GLRB: variants seen among roughly 807,000 people sequenced by gnomAD.
The protein encoded by GLRB is glycine receptor beta.
In GLRB, 33 loss-of-function variants were observed where a neutral mutation model predicts 54.2. The observed-to-expected ratio is 0.61, with a 90% CI of 0.46 to 0.81. The LOEUF is 0.81. Among genes scored for constraint, GLRB ranks in the 40% least tolerant of loss-of-function variants. The probability of loss-of-function intolerance (pLI) is 0.00; values close to 1 mark genes in which losing one functional copy is unlikely to be tolerated. For synonymous variants in GLRB, 209 were observed against 208.2 expected, an observed-to-expected ratio of 1.00 and a Z score of -0.03; for missense variants, 572 against 584.6, an observed-to-expected ratio of 0.98 and a Z score of 0.22.
chr4:157,136,086 T>A (rs1250274649), intron 4 of GLRB, among the ~76,000 whole-genome samples: 1 of 152,170 alleles, frequency 6.6e-6, no homozygotes, highest in Non-Finnish European at 1.5e-5. Context: ...TTTTAAGATA[T>A]GTGTATACTT....
intron 2 of GLRB, among the ~76,000 whole-genome samples, chr4:157,099,933 G>C (rs111691723): frequency 6.6e-6 from 1 of 151,794 alleles, no homozygotes. Context: ...GCACCTTTTC[G>C]CCTGTAAACT....
At position 157,170,972 on chromosome 4, in the gene GLRB, A is replaced by G; in HGVS notation, c.*244A>G. ...GCTTAGTAACAAATGAAGGACAAGC[A>G]TACTACATAATATAATCCATACAAT... is the stretch of plus-strand genomic sequence containing the variant. On this transcript the variant is annotated 3_prime_UTR_variant, in exon 10 of 10. Transcript: ENST00000264428. 2.8e-6 allele frequency: 1 copy of G among 352,178 alleles called. No individual in the cohort carries two copies. Among genetic ancestry groups the G allele is most frequent in the East Asian group, 4.8e-5 (1 of 20,818 alleles). 21.8% of individuals were successfully genotyped at this position (352,178 alleles called of 1,614,324 possible). A position where few individuals can be genotyped will look rare whatever the true frequency, so the allele number is the denominator to read the frequency against.
intron 8 of GLRB, among the ~76,000 whole-genome samples, chr4:157,146,499 G>A (rs1305549339): frequency 6.6e-6 from 1 of 152,068 alleles, no homozygotes; most frequent in East Asian, 1.9e-4. Context: ...TTGGTCTAGT[G>A]AGTAGTAGTG....
intron 8 of GLRB, among the ~76,000 whole-genome samples, chr4:157,146,344 A>G (rs935592135): frequency 6.6e-6 from 1 of 152,080 alleles, no homozygotes; most frequent in Admixed American, 6.5e-5. Context: ...CATGAAATAC[A>G]AAGTCGCTAA....
intron 2 of GLRB, among the ~76,000 whole-genome samples, chr4:157,090,789 A>G (rs1280470419): frequency 6.6e-6 from 1 of 152,188 alleles, no homozygotes. Flanking sequence ...TACAACATCA[A>G]AAAAATCATA....
intron 2 of GLRB, among the ~76,000 whole-genome samples, chr4:157,089,563 A>G (rs775030281): frequency 3.9e-5 from 6 of 152,098 alleles, no homozygotes; most frequent in Non-Finnish European, 7.4e-5. Context: ...CCTGAAATTT[A>G]CTCACTCCTG....
chr4:157,079,130 G>A (rs1285453029), intron 2 of GLRB, among the ~76,000 whole-genome samples: 1 of 152,060 alleles, frequency 6.6e-6, no homozygotes, highest in Non-Finnish European at 1.5e-5. Context: ...GTAAAATAGA[G>A]CAATTGTACA....
intron 2 of GLRB, among the ~76,000 whole-genome samples, chr4:157,098,908 G>GA (rs981480223): frequency 2.6e-5 from 4 of 152,084 alleles, no homozygotes; most frequent in Admixed American, 1.3e-4. Flanking sequence ...GTGCCTGGCT[G>GA]AAAATCACTT....
At chr4:157,086,603 CT>C (rs1330688627) in intron 2 of GLRB, among the ~76,000 whole-genome samples, 1 of 152,154 alleles carries the variant, frequency 6.6e-6, no homozygotes, top group Admixed American at 6.5e-5. Flanking sequence ...AAATTACCTT[CT>C]ATTTGAGATG....
At position 157,138,921 on chromosome 4, in the gene GLRB, TA is replaced by T; in HGVS notation, c.725del (p.Asn242ThrfsTer21). On this transcript the variant is annotated frameshift_variant, in exon 7 of 10. Coordinates refer to ENST00000264428, the MANE Select transcript of GLRB (RefSeq NM_000824.5). LOFTEE classifies it high-confidence loss of function. ...DIKKEDIEYG[N>X]CTKYYKGTGY... ...TCAAAAAGGAAGATATTGAATATGG[TA>T]ACTGTACAAAATACTATAAAGGCAC... 2 of 1,471,480 alleles carry T rather than the reference TA, an allele frequency of 1.4e-6. No homozygotes were observed. Among genetic ancestry groups the T allele is most frequent in the Non-Finnish European group, 9.5e-7 (1 of 1,051,456 alleles). The allele number at this position is 1,471,480 out of a possible 1,614,324, so 91.2% of individuals were successfully genotyped here. A position where few individuals can be genotyped will look rare whatever the true frequency, so the allele number is the denominator to read the frequency against.
chr4:157,165,258 A>G (rs1374352157), intron 9 of GLRB, among the ~76,000 whole-genome samples: 2 of 152,076 alleles, frequency 1.3e-5, no homozygotes, highest in Non-Finnish European at 2.9e-5. Context: ...GAAAGAAGAT[A>G]TAAAAGTAGA....
intron 4 of GLRB, among the ~76,000 whole-genome samples, chr4:157,127,025 A>ATAGATTG (rs1553996365): frequency 6.6e-6 from 1 of 151,450 alleles, no homozygotes; most frequent in Non-Finnish European, 1.5e-5. Flanking sequence ...ATAGATTGCA[A>ATAGATTG]CTCCTTTTGG....
At chr4:157,097,885 A>G (rs1734872680) in intron 2 of GLRB, among the ~76,000 whole-genome samples, 1 of 152,032 alleles carries the variant, frequency 6.6e-6, no homozygotes, top group Admixed American at 6.6e-5. Flanking sequence ...GCCAGGCATC[A>G]TGGCAGGTGC....
chr4:157,120,643 G>A lies in GLRB; in HGVS notation c.210G>A (p.Arg70=), dbSNP rs1440659826. ...GGTTATTGGTCAGTTATGATCCCAG[G>A]ATAAGACCAAACTTCAAAGGTTTGT... The part of the protein sequence containing the change: ...LNRLLVSYDP[R]IRPNFKGIPV... Residue 70 remains arginine, a synonymous_variant, in exon 3 of 10, where the codon AGG becomes AGA. Coordinates refer to ENST00000264428, the MANE Select transcript of GLRB (RefSeq NM_000824.5). 1.3e-6 allele frequency: 2 copies of A among 1,571,022 alleles called. No individual in the cohort carries two copies. The highest frequency in any genetic ancestry group is 3.4e-5 in the Admixed American group (2 of 59,454).
chr4:157,162,993 G>A (rs977181871), intron 9 of GLRB, among the ~76,000 whole-genome samples: 2 of 152,178 alleles, frequency 1.3e-5, no homozygotes, highest in Non-Finnish European at 2.9e-5. Flanking sequence ...CCCAGTTTGA[G>A]CTTCTCAGCC....
intron 2 of GLRB, among the ~76,000 whole-genome samples, chr4:157,114,930 T>C (rs1006415522): frequency 1.7e-4 from 26 of 151,862 alleles, no homozygotes; most frequent in East Asian, 7.8e-4. Context: ...ATAAAGTTAC[T>C]CTTTCCGCAC....
At chr4:157,086,417 T>G (rs1473998704) in intron 2 of GLRB, among the ~76,000 whole-genome samples, 1 of 152,226 alleles carries the variant, frequency 6.6e-6, no homozygotes, top group Admixed American at 6.5e-5. Context: ...AAAGTATTAA[T>G]CTCATGGTGA....
In GLRB at chr4:157,171,097, G is replaced by A. The variant is rs962807631; in HGVS notation, c.*369G>A. The A allele has an allele frequency of 2.5e-5, 4 of 157,018 alleles. No individual in the cohort carries two copies. The highest frequency in any genetic ancestry group is 6.5e-5 in the Admixed American group (1 of 15,448). The allele number at this position is 157,018 out of a possible 1,614,324, so 9.7% of individuals were successfully genotyped here. The stretch of plus-strand genomic sequence containing the variant: ...TATGGTCACCATTCTAATGTATGTA[G>A]TATTTCAAATTTCCTTCCTTGTAAC... On this transcript the variant is annotated 3_prime_UTR_variant, in exon 10 of 10. Coordinates refer to ENST00000264428, the MANE Select transcript of GLRB (RefSeq NM_000824.5).
Position 157,125,762 on chromosome 4 carries a change from G to A in GLRB, c.297+3365G>A, listed in dbSNP as rs78692842. ...CAGCCTGGCCGACACTGTGAACCCC[G>A]TCTGTACTAAAAATACAAAATAAAT... On this transcript the variant is annotated intron_variant, in intron 4 of 9. Coordinates refer to ENST00000264428, the MANE Select transcript of GLRB (RefSeq NM_000824.5). 9.0e-4 allele frequency among the ~76,000 whole-genome samples: 137 copies of A among 151,834 alleles called. 2 individuals carry two copies. In the East Asian group the frequency reaches 0.021, roughly 23 times the overall value.
Sources: allele counts gnomAD v4.1 joint callset (sites outside exome capture counted in the v4.1 genomes callset), GRCh38; gene constraint gnomAD v4.1.1; transcripts MANE v1.5; gene names NCBI Gene and HGNC (gene_info 2026-07-23, HGNC 2026-07-21).